ADAMTSL1: variants seen among roughly 807,000 people sequenced by gnomAD.
The protein encoded by ADAMTSL1 is ADAMTS-like protein 1.
In ADAMTSL1, 126 loss-of-function variants were observed where a neutral mutation model predicts 201.8. The observed-to-expected ratio is 0.62, with a 90% CI of 0.54 to 0.72. The LOEUF is 0.72. Ranked by LOEUF, ADAMTSL1 falls within the 30% of genes least tolerant of loss-of-function variation. ADAMTSL1 has a pLI of 0.00. For missense variants in ADAMTSL1, 2,679 were observed against 2,277.8 expected (o/e 1.18, Z -3.59); for synonymous variants, 1,121 against 903.4 (o/e 1.24, Z -4.32).
intron 16 of ADAMTSL1, among the ~76,000 whole-genome samples, chr9:18,756,281 CAAAAAAAAAAAAA>C (rs11326013): frequency 5.8e-5 from 4 of 68,500 alleles, no homozygotes; most frequent in East Asian, 4.6e-4. Flanking sequence ...TCTGTCTCGA[CAAAAAAAAAAAAA>C]AAAAAAAAAA....
At chr9:18,756,766 C>T (rs1230818773) in intron 16 of ADAMTSL1, among the ~76,000 whole-genome samples, 1 of 152,174 alleles carries the variant, frequency 6.6e-6, no homozygotes, top group African/African-American at 2.4e-5. Flanking sequence ...CAGATAACAA[C>T]CTGATAGACA....
rs188337485 is a variant in ADAMTSL1 at position 18,902,158 on chromosome 9, A to C, written c.4852-3624A>C. ...ATTGATGGGAGAAATAATTAGTTCT[A>C]TAATAGAAACTTCAGAAACCCACTT... is the stretch of plus-strand genomic sequence containing the variant. On this transcript the variant is annotated intron_variant, in intron 26 of 28. Coordinates refer to ENST00000380548, the MANE Select transcript of ADAMTSL1 (RefSeq NM_001040272.6). Among the ~76,000 whole-genome samples, 230 of 152,338 alleles carry C rather than the reference A, an allele frequency of 1.5e-3. 1 individual carries two copies. Among genetic ancestry groups the C allele is most frequent in the African/African-American group, 4.5e-3 (188 of 41,578 alleles).
intron 1 of ADAMTSL1, among the ~76,000 whole-genome samples, chr9:18,124,082 T>G (rs796392160): frequency 8.0e-4 from 114 of 142,580 alleles, no homozygotes; most frequent in African/African-American, 2.7e-3. Context: ...TGCCAGTTTT[T>G]TTTTTTTTTT....
In ADAMTSL1 at chr9:18,721,193, T is replaced by C. The variant is rs897645180; in HGVS notation, c.1877-343T>C. Among the ~76,000 whole-genome samples the C allele has an allele frequency of 2.6e-5, 4 of 152,344 alleles. No homozygotes were observed. The East Asian group carries it at 7.7e-4, about 29-fold the overall frequency. ...TTTGGGCCCCTTTTTTGCCACCCTG[T>C]GCTCCTTGTTCATTGAAGTATCATG... On this transcript the variant is annotated intron_variant, in intron 14 of 28. Coordinates refer to ENST00000380548, the MANE Select transcript of ADAMTSL1 (RefSeq NM_001040272.6).
At chr9:18,413,834 A>G (rs1818557344) in intron 2 of ADAMTSL1, among the ~76,000 whole-genome samples, 2 of 152,216 alleles carry the variant, frequency 1.3e-5, no homozygotes, top group African/African-American at 4.8e-5. Context: ...AGACATGTTT[A>G]TGGGATTTCC....
At chr9:18,776,690 T>A in intron 18 of ADAMTSL1, 91 bp from the exon 19 acceptor site, 1 of 1,363,420 alleles carries the variant, frequency 7.3e-7, no homozygotes, top group Non-Finnish European at 9.7e-7. Flanking sequence ...TCTGGCTCTT[T>A]CCTTTGCCCC....
chr9:18,779,732 C>T (rs755889167), intron 19 of ADAMTSL1, among the ~76,000 whole-genome samples: 1 of 152,208 alleles, frequency 6.6e-6, no homozygotes, highest in Non-Finnish European at 1.5e-5. Flanking sequence ...TTTGAGGTCA[C>T]TGAGTGGCAG....
At chr9:18,898,143 C>T (rs1432615813) in intron 26 of ADAMTSL1, among the ~76,000 whole-genome samples, 2 of 152,072 alleles carry the variant, frequency 1.3e-5, no homozygotes, top group African/African-American at 4.8e-5. Flanking sequence ...GAGCTGAGAT[C>T]ATGCCACTGC....
intron 1 of ADAMTSL1, among the ~76,000 whole-genome samples, chr9:17,983,000 G>A (rs115687826): frequency 6.6e-6 from 1 of 150,536 alleles, no homozygotes; most frequent in Non-Finnish European, 1.5e-5. Context: ...TTGGGGCTAG[G>A]CATTAGTACT....
At chr9:18,075,065 CTT>C (rs1823154482) in intron 1 of ADAMTSL1, among the ~76,000 whole-genome samples, 1 of 151,998 alleles carries the variant, frequency 6.6e-6, no homozygotes, top group African/African-American at 2.4e-5. Flanking sequence ...TATCCTTCTC[CTT>C]TTCTCTCTCT....
At chr9:18,012,601 T>A (rs1423263446) in intron 1 of ADAMTSL1, among the ~76,000 whole-genome samples, 1 of 151,966 alleles carries the variant, frequency 6.6e-6, no homozygotes, top group Non-Finnish European at 1.5e-5. Flanking sequence ...AGTCACAGAT[T>A]TGTGTGAGAA....
chr9:18,727,928 A>C (rs996640131), intron 15 of ADAMTSL1, among the ~76,000 whole-genome samples: 6 of 151,950 alleles, frequency 3.9e-5, no homozygotes, highest in Non-Finnish European at 7.4e-5. Context: ...AAAAATGCAA[A>C]AATTGGTCGG....
chr9:18,079,988 G>A (rs1823419322), intron 1 of ADAMTSL1, among the ~76,000 whole-genome samples: 1 of 152,142 alleles, frequency 6.6e-6, no homozygotes, highest in Admixed American at 6.5e-5. Context: ...GCTTGACCAG[G>A]TGAGCTGAAC....
chr9:18,249,300 C>T (rs1184187605), intron 2 of ADAMTSL1, among the ~76,000 whole-genome samples: 1 of 152,174 alleles, frequency 6.6e-6, no homozygotes, highest in African/African-American at 2.4e-5. Context: ...TGGAAATTAA[C>T]AGCATATAAA....
chr9:18,084,697 C>G (rs1823664635), intron 1 of ADAMTSL1, among the ~76,000 whole-genome samples: 1 of 149,486 alleles, frequency 6.7e-6, no homozygotes, highest in African/African-American at 2.5e-5. Flanking sequence ...CTCTCCCTCT[C>G]TCCCTCCCTC....
chr9:18,121,976 G>C (rs552579767), intron 1 of ADAMTSL1, among the ~76,000 whole-genome samples: 1 of 152,176 alleles, frequency 6.6e-6, no homozygotes, highest in African/African-American at 2.4e-5. Context: ...CTCTGAACCA[G>C]ACATAAAAGG....
At chr9:18,259,028 G>C (rs1831807755) in intron 2 of ADAMTSL1, among the ~76,000 whole-genome samples, 1 of 152,156 alleles carries the variant, frequency 6.6e-6, no homozygotes, top group Non-Finnish European at 1.5e-5. Context: ...TTGGCTTCCA[G>C]TTAAGTGACT....
intron 21 of ADAMTSL1, among the ~76,000 whole-genome samples, chr9:18,825,725 C>T (rs1824506919): frequency 6.6e-6 from 1 of 151,700 alleles, no homozygotes; most frequent in Non-Finnish European, 1.5e-5. Flanking sequence ...ACAACCCCTC[C>T]CCATTCATTC....
chr9:18,827,128 C>A (rs1323583446), intron 22 of ADAMTSL1, among the ~76,000 whole-genome samples: 1 of 151,352 alleles, frequency 6.6e-6, no homozygotes, highest in Non-Finnish European at 1.5e-5. Context: ...TGCTGTTCTT[C>A]CCCCACTGAG....
Sources: allele counts gnomAD v4.1 joint callset (sites outside exome capture counted in the v4.1 genomes callset), GRCh38; gene constraint gnomAD v4.1.1; transcripts MANE v1.5; gene names NCBI Gene and HGNC (gene_info 2026-07-23, HGNC 2026-07-21).